The following WWP2 variants were observed in gnomAD, a reference collection of about 807,000 sequenced individuals.
The protein encoded by WWP2 is NEDD4-like E3 ubiquitin-protein ligase WWP2.
Under a neutral mutation model 121.0 loss-of-function variants are expected in WWP2, and 57 were observed. The observed-to-expected ratio is 0.47, with a 90% CI of 0.38 to 0.59. WWP2 has a LOEUF of 0.59. Ranked by LOEUF, WWP2 falls within the 20% of genes least tolerant of loss-of-function variation. The pLI, the probability that WWP2 is intolerant of heterozygous loss-of-function variation, is 0.00. For missense variants in WWP2, 962 were observed against 1,158.9 expected (o/e 0.83, Z 2.47); for synonymous variants, 449 against 441.3 (o/e 1.02, Z -0.22).
intron 6 of WWP2, among the ~76,000 whole-genome samples, chr16:69,853,848 C>T (rs967353196): frequency 3.9e-5 from 6 of 152,158 alleles, no homozygotes; most frequent in African/African-American, 1.4e-4. Flanking sequence ...ACAAGAGACG[C>T]AAGAGGCGGG....
intron 10 of WWP2, among the ~76,000 whole-genome samples, chr16:69,924,697 ACCCCCCACC>A (rs1351563667): frequency 4.7e-5 from 3 of 64,378 alleles, no homozygotes; most frequent in Non-Finnish European, 1.0e-4. Flanking sequence ...CAGCCCCAAC[ACCCCCCACC>A]CCCCCCACCC....
At chr16:69,816,783 A>G (rs1015087412) in intron 4 of WWP2, among the ~76,000 whole-genome samples, 9 of 152,138 alleles carry the variant, frequency 5.9e-5, no homozygotes, top group Admixed American at 2.0e-4. Context: ...ACATACACAT[A>G]TACACACACA....
chr16:69,931,071 GCTTT>G, intron 13 of WWP2, 77 bp from the exon 14 acceptor site: 1 of 1,365,526 alleles, frequency 7.3e-7, no homozygotes, highest in Non-Finnish European at 1.0e-6. Context: ...CATAGCACCA[GCTTT>G]CCTTAGGGCT....
chr16:69,902,697 C>A (rs2058223869), intron 8 of WWP2, among the ~76,000 whole-genome samples: 1 of 152,114 alleles, frequency 6.6e-6, no homozygotes, highest in Admixed American at 6.6e-5. Context: ...AGAAATATAA[C>A]CTCTGACAGG....
chr16:69,779,384 A>G (rs984101832), intron 1 of WWP2, among the ~76,000 whole-genome samples: 2 of 152,232 alleles, frequency 1.3e-5, no homozygotes, highest in African/African-American at 4.8e-5. Flanking sequence ...AATAACATGG[A>G]TTACTGTTAT....
chr16:69,929,528 G>C lies in WWP2; in HGVS notation c.1315G>C (p.Gly439Arg). The change falls in exon 12 of 24, where the codon GGG (glycine) becomes CGG (arginine). Residue 439 changes from glycine to arginine, a missense_variant and splice_region_variant. Around this residue, in one of 3 missense-constraint regions of WWP2, gnomAD observed 606 missense variants for 772.6 expected, o/e 0.78. Transcript: ENST00000359154. ...CCAGTGGGAGGATCCCCGGACCCAG[G>C]GGTAAGGACTTGGGCTGAGAGGGGG... ...TTQWEDPRTQ[G>R]MIQEPALPPG... 1 of 1,614,102 alleles carries C rather than the reference G, an allele frequency of 6.2e-7. No homozygotes were observed. The highest frequency in any genetic ancestry group is 8.5e-7 in the Non-Finnish European group (1 of 1,179,990).
intron 6 of WWP2, among the ~76,000 whole-genome samples, chr16:69,846,049 C>CAAAAAAAAAAAAAAAA (rs57201672): frequency 0.017 from 786 of 45,544 alleles, 131 homozygotes; most frequent in Middle Eastern, 0.058. Flanking sequence ...GACTCCATCT[C>CAAAAAAAAAAAAAAAA]AAAAAAAAAA....
chr16:69,892,266 C>A (rs145746985), intron 8 of WWP2, among the ~76,000 whole-genome samples: 2 of 151,990 alleles, frequency 1.3e-5, no homozygotes, highest in Non-Finnish European at 2.9e-5. Context: ...TAGGTATACA[C>A]GTGCCATGGT....
At chr16:69,842,144 A>G in intron 6 of WWP2, 24 bp downstream of exon 6, 1 of 1,606,068 alleles carries the variant, frequency 6.2e-7, no homozygotes, top group Non-Finnish European at 8.5e-7. Context: ...TGGTGAGGAC[A>G]AAGAGCTAAG....
At chr16:69,834,966 T>C (rs558298944) in intron 4 of WWP2, among the ~76,000 whole-genome samples, 5 of 152,210 alleles carry the variant, frequency 3.3e-5, no homozygotes, top group South Asian at 2.1e-4. Context: ...ATCTTGTTCC[T>C]GTTGAGTCAC....
intron 4 of WWP2, among the ~76,000 whole-genome samples, chr16:69,801,050 A>C (rs1216450259): frequency 6.8e-6 from 1 of 147,894 alleles, no homozygotes; most frequent in Non-Finnish European, 1.5e-5. Flanking sequence ...TTACCCAGGG[A>C]TGGTGGTGGG....
chr16:69,932,943 G>A, intron 16 of WWP2: 1 of 451,584 alleles, frequency 2.2e-6, no homozygotes. Flanking sequence ...CTTGGTGTTG[G>A]GTTAACTTGC....
At chr16:69,790,040 C>T (rs1401144145) in intron 2 of WWP2, among the ~76,000 whole-genome samples, 6 of 152,132 alleles carry the variant, frequency 3.9e-5, no homozygotes, top group African/African-American at 7.2e-5. Context: ...GTCAGGAGTT[C>T]GAGACCAGCC....
intron 4 of WWP2, among the ~76,000 whole-genome samples, chr16:69,815,282 C>T (rs769742356): frequency 2.6e-5 from 4 of 152,068 alleles, no homozygotes; most frequent in Admixed American, 1.3e-4. Flanking sequence ...GGATTACGGG[C>T]GTGAGCCACC....
At chr16:69,877,954 C>T (rs112117896) in intron 7 of WWP2, among the ~76,000 whole-genome samples, 1 of 152,038 alleles carries the variant, frequency 6.6e-6, no homozygotes, top group Admixed American at 6.6e-5. Context: ...ATTATAGGCG[C>T]GTGCCACCGT....
intron 6 of WWP2, among the ~76,000 whole-genome samples, chr16:69,862,433 C>T (rs1475089255): frequency 2.0e-5 from 3 of 151,314 alleles, no homozygotes; most frequent in East Asian, 1.9e-4. Flanking sequence ...CAGGATCTCT[C>T]TCAGCTCACT....
chr16:69,922,213 C>T (rs1479794626), intron 10 of WWP2, among the ~76,000 whole-genome samples: 1 of 151,876 alleles, frequency 6.6e-6, no homozygotes, highest in East Asian at 1.9e-4. Context: ...TTCTCAAGCA[C>T]CTGGATTTTG....
At chr16:69,896,187 T>C (rs2058101729) in intron 8 of WWP2, among the ~76,000 whole-genome samples, 1 of 152,168 alleles carries the variant, frequency 6.6e-6, no homozygotes, top group African/African-American at 2.4e-5. Flanking sequence ...AGTGGCGTGA[T>C]CATAGCTCAC....
intron 6 of WWP2, among the ~76,000 whole-genome samples, chr16:69,868,029 G>A (rs544802636): frequency 2.0e-4 from 30 of 152,324 alleles, no homozygotes; most frequent in Admixed American, 3.9e-4. Context: ...TCCAAGAGAG[G>A]AAACTGCCAA....
Sources: gnomAD v4.1 joint callset for allele counts (sites outside exome capture counted in the v4.1 genomes callset) on GRCh38, gnomAD v4.1.1 for gene constraint, gnomAD v4.1.1 regional missense constraint, MANE v1.5 for transcripts, NCBI Gene and HGNC (gene_info 2026-07-23, HGNC 2026-07-21) for gene names.